The following PTHLH variants were observed in gnomAD, a reference collection of about 807,000 sequenced individuals.
PTHLH encodes the protein parathyroid hormone like hormone.
PTHLH carries 5 observed loss-of-function variants against 18.6 expected under a neutral mutation model. That is an observed-to-expected ratio of 0.27 (90% CI 0.14 to 0.56). The LOEUF is 0.56. Ranked by LOEUF, PTHLH falls within the 20% of genes least tolerant of loss-of-function variation. The probability of loss-of-function intolerance (pLI) is 0.92; values close to 1 mark genes in which losing one functional copy is unlikely to be tolerated. For synonymous variants in PTHLH, 90 were observed against 94.0 expected (o/e 0.96, Z 0.25); for missense variants, 207 against 223.9 (o/e 0.92, Z 0.48).
At chr12:27,969,287 G>T in intron 4 of PTHLH, 107 bp downstream of exon 4, 1 of 1,145,252 alleles carries the variant, frequency 8.7e-7, no homozygotes, top group Non-Finnish European at 1.2e-6. Flanking sequence ...CCCTAACCCG[G>T]GCAAGGAGCA....
chr12:27,970,054 A>G lies in PTHLH; in HGVS notation c.-52T>C. 1.9e-6 allele frequency: 1 copy of G among 519,020 alleles called. No individual in the cohort carries two copies. Among genetic ancestry groups the G allele is most frequent in the South Asian group, 1.4e-5 (1 of 71,594 alleles). The allele number at this position is 519,020 out of a possible 1,614,324, so 32.2% of individuals were successfully genotyped here. A position where few individuals can be genotyped will look rare whatever the true frequency, so the allele number is the denominator to read the frequency against. The stretch of plus-strand genomic sequence containing the variant: ...TCTGGTGGGCTGGTTGCTTCCGGAA[A>G]GTTGATTCCACACACCCTGAGAACA... On this transcript the variant is annotated 5_prime_UTR_variant, in exon 3 of 6. Transcript: ENST00000545234.
intron 5 of PTHLH, chr12:27,962,609 C>T (rs2062771729): frequency 3.0e-6 from 3 of 985,356 alleles, no homozygotes; most frequent in Non-Finnish European, 3.6e-6. Context: ...TTTATTTTTC[C>T]TACGGCATTA....
intron 5 of PTHLH, chr12:27,962,245 T>C (rs2062768628): frequency 6.6e-6 from 2 of 301,286 alleles, no homozygotes; most frequent in South Asian, 9.7e-5. Flanking sequence ...GATAGATAGA[T>C]AGATAGATAG....
chr12:27,972,291 A>G (rs1310327561), intron 1 of PTHLH, among the ~76,000 whole-genome samples: 2 of 152,208 alleles, frequency 1.3e-5, no homozygotes, highest in Non-Finnish European at 2.9e-5. Context: ...ACTGGCATCA[A>G]TAGACTGCTT....
Position 27,962,110 on chromosome 12 carries a change from G to C in PTHLH, c.524+1238C>G, listed in dbSNP as rs966331476. The C allele has an allele frequency of 3.4e-5, 18 of 523,216 alleles. No individual in the cohort carries two copies. The African/African-American group carries it at 3.5e-4, about 10-fold the overall frequency. The allele number at this position is 523,216 out of a possible 1,614,324, so 32.4% of individuals were successfully genotyped here. ...AAACAGGGAGATAAATCCAGCTTTG[G>C]GGCCACCTATTTCAATTCCAAGGAC... On this transcript the variant is annotated intron_variant, in intron 5 of 5. Coordinates refer to ENST00000545234, the MANE Select transcript of PTHLH (RefSeq NM_198965.2).
chr12:27,971,674 G>T (rs1023820738), intron 2 of PTHLH, among the ~76,000 whole-genome samples: 1 of 151,594 alleles, frequency 6.6e-6, no homozygotes, highest in African/African-American at 2.4e-5. Flanking sequence ...CTTAGGTTGG[G>T]TGGGGGGGCA....
intron 4 of PTHLH, among the ~76,000 whole-genome samples, chr12:27,967,575 G>T (rs2062826798): frequency 6.6e-6 from 1 of 152,136 alleles, no homozygotes; most frequent in Non-Finnish European, 1.5e-5. Flanking sequence ...ATAATGACTT[G>T]TTTTTAAAAA....
intron 5 of PTHLH, among the ~76,000 whole-genome samples, chr12:27,960,111 A>T (rs565015482): frequency 6.6e-6 from 1 of 152,348 alleles, no homozygotes; most frequent in East Asian, 1.9e-4. Context: ...TAACAGAGGC[A>T]TGTATTGGAA....
Position 27,969,409 on chromosome 12 carries a change from C to CCCTCCA in PTHLH, c.80_85dup (p.Val27_Glu28dup). The CCCTCCA allele has an allele frequency of 6.3e-7, 1 of 1,584,152 alleles. No homozygotes were observed. The highest frequency in any genetic ancestry group is 8.6e-7 in the Non-Finnish European group (1 of 1,168,200). ...GGGCACTTACAGGCGGCGGCTGAGACCCTCCACCGAGCGCCCGCAGGAGGG... is the reference window on the plus strand; with the variant it reads ...GGGCACTTACAGGCGGCGGCTGAGACCCTCCACCTCCACCGAGCGCCCGCAGGAGGG... On this transcript the variant is annotated inframe_insertion, in exon 4 of 6. Transcript: ENST00000545234.
intron 5 of PTHLH, among the ~76,000 whole-genome samples, chr12:27,959,499 C>T (rs566662326): frequency 6.6e-6 from 1 of 152,116 alleles, no homozygotes; most frequent in East Asian, 1.9e-4. Flanking sequence ...TTTCTGTCTC[C>T]CTTTCTCTTC....
intron 4 of PTHLH, among the ~76,000 whole-genome samples, chr12:27,965,679 G>A (rs1470722519): frequency 6.6e-6 from 1 of 152,228 alleles, no homozygotes; most frequent in Non-Finnish European, 1.5e-5. Context: ...AATGAGGCAT[G>A]AAGGAGTCTC....
intron 3 of PTHLH, chr12:27,969,767 G>A (rs759924219): frequency 5.8e-6 from 4 of 687,320 alleles, no homozygotes; most frequent in East Asian, 3.0e-5. Flanking sequence ...ACAAATCAGA[G>A]GCGCTTCCTC....
intron 2 of PTHLH, among the ~76,000 whole-genome samples, chr12:27,971,621 T>C (rs1013721679): frequency 6.6e-6 from 1 of 150,606 alleles, no homozygotes; most frequent in Non-Finnish European, 1.5e-5. Flanking sequence ...TCATCGGGGC[T>C]CCCACTGGTT....
intron 4 of PTHLH, among the ~76,000 whole-genome samples, chr12:27,966,390 T>C (rs1565523581): frequency 1.3e-5 from 2 of 152,240 alleles, no homozygotes. Context: ...TTAGACACTT[T>C]ACTTAGTATT....
At chr12:27,962,089 A>C in intron 5 of PTHLH, 1 of 524,904 alleles carries the variant, frequency 1.9e-6, no homozygotes, top group Non-Finnish European at 3.3e-6. Context: ...GTCAGAAAAC[A>C]GGGAGATAAA....
intron 5 of PTHLH, among the ~76,000 whole-genome samples, chr12:27,959,649 G>C (rs555335721): frequency 1.1e-4 from 16 of 152,298 alleles, no homozygotes; most frequent in African/African-American, 3.8e-4. Flanking sequence ...CTACAAAGCA[G>C]CATATTCTTA....
rs565893700 is a variant in PTHLH at position 27,967,045 on chromosome 12, A to G, written c.101+2349T>C. Among the ~76,000 whole-genome samples the G allele has an allele frequency of 4.8e-4, 73 of 152,338 alleles. 3 individuals are homozygous for G. In the South Asian group the frequency reaches 0.014, roughly 29 times the overall value. On this transcript the variant is annotated intron_variant, in intron 4 of 5. Transcript: ENST00000545234. The stretch of plus-strand genomic sequence containing the variant: ...CTCACCAGAAGGTCCTTCCAACCCA[A>G]ATGACTCAGTAGAAAGTTATGCTTT...
chr12:27,969,740 A>C (rs2062851979), intron 3 of PTHLH: 1 of 723,968 alleles, frequency 1.4e-6, no homozygotes, highest in African/African-American at 1.7e-5. Context: ...CAGAAAGAGC[A>C]AAAAGGGAAA....
At chr12:27,960,989 T>C (rs2120607120) in intron 5 of PTHLH, among the ~76,000 whole-genome samples, 1 of 152,076 alleles carries the variant, frequency 6.6e-6, no homozygotes, top group African/African-American at 2.4e-5. Context: ...TTGGATTGTG[T>C]TGGGAGAGTG....
Sources: allele counts gnomAD v4.1 joint callset (sites outside exome capture counted in the v4.1 genomes callset), GRCh38; gene constraint gnomAD v4.1.1; transcripts MANE v1.5; gene names NCBI Gene and HGNC (gene_info 2026-07-23, HGNC 2026-07-21).